The following RYR1 variants were observed in gnomAD, a reference collection of about 807,000 sequenced individuals.
The protein encoded by RYR1 is ryanodine receptor 1, also known as central core disease of muscle.
In RYR1, 342 loss-of-function variants were observed where a neutral mutation model predicts 583.5. The ratio of observed to expected loss-of-function variants is 0.59; its 90% CI spans 0.54 to 0.64. The LOEUF is 0.64. Ranked by LOEUF, RYR1 falls within the 30% of genes least tolerant of loss-of-function variation. The probability of loss-of-function intolerance (pLI) is 0.00; values close to 1 mark genes in which losing one functional copy is unlikely to be tolerated. For synonymous variants in RYR1, 2,791 were observed against 2,822.5 expected (o/e 0.99, Z 0.35); for missense variants, 6,032 against 6,917.2 (o/e 0.87, Z 4.54).
chr19:38,533,345 T>C (rs947691817), intron 78 of RYR1, among the ~76,000 whole-genome samples: 3 of 152,136 alleles, frequency 2.0e-5, no homozygotes, highest in Non-Finnish European at 4.4e-5. Flanking sequence ...TGTGCCAGAG[T>C]CCCTTCTGGC....
intron 88 of RYR1, among the ~76,000 whole-genome samples, chr19:38,547,062 G>A (rs1972463528): frequency 1.3e-5 from 2 of 151,080 alleles, no homozygotes; most frequent in East Asian, 2.0e-4. Context: ...TTTCTGAGAC[G>A]GAGTCTCGCT....
In RYR1 at chr19:38,565,288, G is replaced by T. The variant is rs886054405; in HGVS notation, c.12954G>T (p.Arg4318=). 1 of 1,013,938 alleles carries T rather than the reference G, an allele frequency of 9.9e-7. No individual in the cohort carries two copies. The highest frequency in any genetic ancestry group is 1.2e-6 in the Non-Finnish European group (1 of 850,394). 62.8% of individuals were successfully genotyped at this position (1,013,938 alleles called of 1,614,324 possible). A position where few individuals can be genotyped will look rare whatever the true frequency, so the allele number is the denominator to read the frequency against. ...ACCGCAGCCTGCGGCGGCGCGTGCG[G>T]CGGCTGCGGCGGCTTACGGCCCGCG... ...LSYRSLRRRV[R]RLRRLTAREA... Residue 4318 remains arginine (R), a synonymous_variant, in exon 91 of 106, where the codon CGG becomes CGT. Coordinates refer to ENST00000359596, the MANE Select transcript of RYR1 (RefSeq NM_000540.3). The surrounding 1 kb of genome is among the most constrained non-coding windows in gnomAD (Gnocchi z 4.7).
In RYR1 at chr19:38,501,005, C is replaced by G; in HGVS notation, c.7614+15C>G. The G allele has an allele frequency of 6.2e-7, 1 of 1,611,052 alleles. No individual in the cohort carries two copies. The highest frequency in any genetic ancestry group is 8.5e-7 in the Non-Finnish European group (1 of 1,179,152). On this transcript the variant is annotated intron_variant, in intron 47 of 105. Transcript: ENST00000359596. ...CGCTGGACACGGTGAGCAACCCTGC[C>G]CAGCCTGGCCACCCTCCCCACTTCC...
At chr19:38,471,594 A>G (rs1439196187) in intron 27 of RYR1, among the ~76,000 whole-genome samples, 1 of 151,676 alleles carries the variant, frequency 6.6e-6, no homozygotes, top group Non-Finnish European at 1.5e-5. Flanking sequence ...GGAGAGAAAA[A>G]AGACCCCTAA....
chr19:38,493,100 G>A (rs577117190), intron 38 of RYR1, among the ~76,000 whole-genome samples: 53 of 152,074 alleles, frequency 3.5e-4, no homozygotes, highest in Non-Finnish European at 5.9e-4. Flanking sequence ...ATGCATGCTG[G>A]AGGTTTGCCT....
Position 38,502,769 on chromosome 19 carries a change from A to T in RYR1, c.7835+42A>T, listed in dbSNP as rs765681859. The T allele has an allele frequency of 9.8e-5, 47 of 479,452 alleles. 1 individual carries two copies. The highest frequency in any genetic ancestry group is 5.2e-4 in the Middle Eastern group (1 of 1,906). The allele number at this position is 479,452 out of a possible 1,614,324, so 29.7% of individuals were successfully genotyped here. On this transcript the variant is annotated intron_variant, in intron 48 of 105. Coordinates refer to ENST00000359596, the MANE Select transcript of RYR1 (RefSeq NM_000540.3). ...TTCAGGGTGGGGCAGGGGCAGGGGC[A>T]GGGGCAGGGGCAGGGGCAGGGGCAG...
At chr19:38,546,401 G>A (rs764774234) in intron 87 of RYR1, 44 bp from the exon 88 acceptor site, 11 of 1,535,720 alleles carry the variant, frequency 7.2e-6, no homozygotes, top group Admixed American at 6.7e-5. Context: ...AGAGGTGGGG[G>A]AGGTGTATGC....
rs776543870 is a variant in RYR1 at position 38,496,188 on chromosome 19, G to A, written c.6549-27G>A. 3.0e-5 allele frequency: 48 copies of A among 1,600,272 alleles called. No individual in the cohort carries two copies. The African/African-American group carries it at 5.6e-4, about 19-fold the overall frequency. On this transcript the variant is annotated intron_variant, in intron 39 of 105. Coordinates refer to ENST00000359596, the MANE Select transcript of RYR1 (RefSeq NM_000540.3). The surrounding 1 kb of genome is among the most constrained non-coding windows in gnomAD (Gnocchi z 4.8). ...CCCTCTCCGGACCTGGGCCCCTGGT[G>A]ACCCCGCACACTCTGCCCGTGCACA...
chr19:38,442,272 G>T, intron 2 of RYR1, 77 bp from the exon 3 acceptor site: 3 of 1,010,526 alleles, frequency 3.0e-6, no homozygotes, highest in Non-Finnish European at 4.8e-6. Flanking sequence ...CCAGACTAGG[G>T]GAGGGAGTGT....
chr19:38,528,264 G>A, intron 73 of RYR1, 42 bp from the exon 74 acceptor site: 1 of 1,539,574 alleles, frequency 6.5e-7, no homozygotes, highest in Non-Finnish European at 9.0e-7. Flanking sequence ...AGTGAGAGGG[G>A]CAGGGTCTGG....
Position 38,440,741 on chromosome 19 carries a change from G to C in RYR1, c.46-4G>C, listed in dbSNP as rs201094741. 1 of 1,605,422 alleles carries C rather than the reference G, an allele frequency of 6.2e-7. No homozygotes were observed. ...CCTGGAGACGCTGCCCCTCGGTTCC[G>C]CAGGACGATGAGGTGGTCCTGCAGT... On this transcript the variant is annotated splice_region_variant and splice_polypyrimidine_tract_variant and intron_variant, in intron 1 of 105. Transcript: ENST00000359596.
chr19:38,501,024 C>T (rs754142352), intron 47 of RYR1, 34 bp downstream of exon 47: 1 of 1,606,590 alleles, frequency 6.2e-7, no homozygotes, highest in Non-Finnish European at 8.5e-7. Flanking sequence ...CCACCCTCCC[C>T]ACTTCCACAG....
chr19:38,452,777 T>C, intron 12 of RYR1, 42 bp from the exon 13 acceptor site: 1 of 1,532,668 alleles, frequency 6.5e-7, no homozygotes, highest in Non-Finnish European at 8.8e-7. Flanking sequence ...TTGCGGCAGT[T>C]AGCGCTCCCA....
At position 38,458,267 on chromosome 19, in the gene RYR1, C is replaced by T; in HGVS notation, c.2142C>T (p.Gly714=). The change falls in exon 18 of 106, where the codon GGC becomes GGT. Residue 714 remains glycine (G), a synonymous_variant. Coordinates refer to ENST00000359596, the MANE Select transcript of RYR1 (RefSeq NM_000540.3). The stretch of plus-strand genomic sequence containing the variant: ...TCGGCGATGACCTCTATTCCTACGG[C>T]TTTGATGGACTGCATCTCTGGACAG... The part of the protein sequence containing the change: ...NGVGDDLYSY[G]FDGLHLWTGH... 4 of 1,614,022 alleles carry T rather than the reference C, an allele frequency of 2.5e-6. No individual in the cohort carries two copies. The highest frequency in any genetic ancestry group is 2.5e-6 in the Non-Finnish European group (3 of 1,179,996).
intron 13 of RYR1, among the ~76,000 whole-genome samples, chr19:38,454,876 G>C (rs2145391614): frequency 6.6e-6 from 1 of 152,236 alleles, no homozygotes; most frequent in East Asian, 1.9e-4. Context: ...CAGTTGGTGG[G>C]AGTGGGGTTC....
At position 38,444,270 on chromosome 19, in the gene RYR1, T is replaced by C. The variant is rs1972832751; in HGVS notation, c.537+9T>C. ...CCTCCGAGCGCTACCTGGTGAGCCATTGCGGTTCCTCCTGCTCCCAGGTCT... is the reference window on the plus strand; with the variant it reads ...CCTCCGAGCGCTACCTGGTGAGCCACTGCGGTTCCTCCTGCTCCCAGGTCT... On this transcript the variant is annotated intron_variant, in intron 6 of 105. Transcript: ENST00000359596. The surrounding 1 kb of genome is among the most constrained non-coding windows in gnomAD (Gnocchi z 5.1). 1 of 1,603,494 alleles carries C rather than the reference T, an allele frequency of 6.2e-7. No individual in the cohort carries two copies. Among genetic ancestry groups the C allele is most frequent in the East Asian group, 2.2e-5 (1 of 44,784 alleles).
chr19:38,475,288 C>T (rs2145491808), intron 28 of RYR1, 30 bp from the exon 29 acceptor site: 4 of 1,555,112 alleles, frequency 2.6e-6, no homozygotes, highest in South Asian at 1.2e-5. Flanking sequence ...TGAAAGCTGG[C>T]TCTCATGGCG....
At chr19:38,579,876 C>T in intron 99 of RYR1, 106 bp from the exon 100 acceptor site, 4 of 1,476,996 alleles carry the variant, frequency 2.7e-6, no homozygotes, top group Non-Finnish European at 1.9e-6. Context: ...ACAGAGCTGG[C>T]ACCCGACCCC....
At chr19:38,518,927 C>CAA (rs549791781) in intron 66 of RYR1, among the ~76,000 whole-genome samples, 5 of 118,560 alleles carry the variant, frequency 4.2e-5, no homozygotes, top group African/African-American at 6.4e-5. Flanking sequence ...AACTCTGTCT[C>CAA]AAAAAAAAAA....
Sources: gnomAD v4.1 joint callset for allele counts (sites outside exome capture counted in the v4.1 genomes callset) on GRCh38, gnomAD v4.1.1 for gene constraint, Gnocchi (gnomAD v3.1) non-coding constraint, MANE v1.5 for transcripts, NCBI Gene and HGNC (gene_info 2026-07-23, HGNC 2026-07-21) for gene names.